The following RBFOX1 variants were observed in gnomAD, a reference collection of about 807,000 sequenced individuals.
RBFOX1 encodes RNA binding fox-1 homolog 1.
In RBFOX1, 8 loss-of-function variants were observed where a neutral mutation model predicts 57.7. The ratio of observed to expected loss-of-function variants is 0.14; its 90% CI spans 0.08 to 0.25. The LOEUF (loss-of-function observed/expected upper bound fraction) is 0.25, where lower values mean the gene tolerates loss of function less well. RBFOX1 is among the 10% of genes least tolerant of loss of function. RBFOX1 has a pLI of 1.00. For synonymous variants in RBFOX1, 326 were observed against 222.4 expected, an observed-to-expected ratio of 1.47 and a Z score of -4.15; for missense variants, 611 against 548.5, an observed-to-expected ratio of 1.11 and a Z score of -1.14.
rs138169750 is a variant in RBFOX1 at position 7,487,019 on chromosome 16, C to G, written c.28-31128C>G. Among the ~76,000 whole-genome samples, 539 of 152,264 alleles carry G rather than the reference C, an allele frequency of 3.5e-3. 3 individuals carry two copies. Among genetic ancestry groups the G allele is most frequent in the African/African-American group, 0.013 (520 of 41,558 alleles). On this transcript the variant is annotated intron_variant, in intron 4 of 15. Transcript: ENST00000550418. ...GGTTCAAGCAGTTCTCCTGTCTCAG[C>G]CTCCCGAGTAGCTGAGCTTACAGGT...
intron 4 of RBFOX1, among the ~76,000 whole-genome samples, chr16:7,447,971 C>G (rs1045896131): frequency 1.3e-5 from 2 of 152,288 alleles, no homozygotes; most frequent in East Asian, 3.9e-4. Context: ...GAATCAGGAT[C>G]TCTGGGGTTG....
chr16:5,315,689 G>T (rs1483004734), intron 1 of RBFOX1, among the ~76,000 whole-genome samples: 2 of 152,188 alleles, frequency 1.3e-5, no homozygotes, highest in Non-Finnish European at 2.9e-5. Flanking sequence ...TGCTTTGCTG[G>T]TGAGTGCTGT....
chr16:5,525,491 A>ATTTTTTTTTTTTTTTTT (rs71404528), intron 2 of RBFOX1, among the ~76,000 whole-genome samples: 1 of 78,270 alleles, frequency 1.3e-5, no homozygotes, highest in African/African-American at 5.4e-5. Flanking sequence ...AGCCGACACT[A>ATTTTTTTTTTTTTTTTT]TTTTTTTTTT....
At chr16:5,263,113 G>T (rs2062775835) in intron 1 of RBFOX1, among the ~76,000 whole-genome samples, 1 of 152,086 alleles carries the variant, frequency 6.6e-6, no homozygotes, top group South Asian at 2.1e-4. Context: ...CTTGTAGCAT[G>T]AATTCTAATT....
chr16:6,933,391 C>T (rs2076873221), intron 3 of RBFOX1, among the ~76,000 whole-genome samples: 1 of 152,206 alleles, frequency 6.6e-6, no homozygotes, highest in Non-Finnish European at 1.5e-5. Context: ...CACATCATTG[C>T]CAACACTTAT....
rs117368636 is a variant in RBFOX1 at position 7,620,932 on chromosome 16, A to T, written c.677-9671A>T. Among the ~76,000 whole-genome samples, 44 of 152,300 alleles carry T rather than the reference A, an allele frequency of 2.9e-4. No individual in the cohort carries two copies. In the East Asian group the frequency reaches 7.9e-3, roughly 27 times the overall value. On this transcript the variant is annotated intron_variant, in intron 10 of 15. Transcript: ENST00000550418. ...GAAACCTAGGGCCACCTTAATGGGC[A>T]CTGTCAATATTAGCTGTACATGAGG...
chr16:5,525,589 T>G (rs1157291190), intron 2 of RBFOX1, among the ~76,000 whole-genome samples: 1 of 145,402 alleles, frequency 6.9e-6, no homozygotes, highest in African/African-American at 2.5e-5. Context: ...TCTCCACCTC[T>G]CAGGTGAAAG....
chr16:5,661,183 TTTAA>T (rs2151389074), intron 3 of RBFOX1, among the ~76,000 whole-genome samples: 1 of 152,330 alleles, frequency 6.6e-6, no homozygotes, highest in East Asian at 1.9e-4. Context: ...CTTTCCCAAC[TTTAA>T]TTATTTTCCC....
chr16:5,889,607 T>C (rs12598885), intron 4 of RBFOX1, among the ~76,000 whole-genome samples: 43,641 of 152,124 alleles, frequency 0.29, 6,432 homozygotes, highest in South Asian at 0.43. Context: ...AGTCACACTT[T>C]TGGGCACTGA....
At chr16:7,017,598 G>A (rs761472900) in intron 3 of RBFOX1, among the ~76,000 whole-genome samples, 1 of 152,178 alleles carries the variant, frequency 6.6e-6, no homozygotes, top group Non-Finnish European at 1.5e-5. Flanking sequence ...TCATGAGGCT[G>A]GGGTCAAGGT....
At chr16:6,823,478 A>G (rs976987921) in intron 3 of RBFOX1, among the ~76,000 whole-genome samples, 12 of 152,044 alleles carry the variant, frequency 7.9e-5, no homozygotes, top group African/African-American at 2.9e-4. Context: ...GCTAGTCTCA[A>G]ACTACTGGTC....
intron 3 of RBFOX1, among the ~76,000 whole-genome samples, chr16:6,976,937 CAT>C (rs914737731): frequency 4.1e-5 from 6 of 145,204 alleles, no homozygotes; most frequent in African/African-American, 1.3e-4. Context: ...TTATATATAT[CAT>C]ATACTATATA....
intron 2 of RBFOX1, among the ~76,000 whole-genome samples, chr16:5,509,689 C>CA (rs1567176354): frequency 6.6e-6 from 1 of 152,154 alleles, no homozygotes; most frequent in Non-Finnish European, 1.5e-5. Context: ...GAGCGGGTGC[C>CA]AGGAGAGCTG....
At chr16:5,897,197 G>A (rs1027864077) in intron 4 of RBFOX1, among the ~76,000 whole-genome samples, 2 of 151,586 alleles carry the variant, frequency 1.3e-5, no homozygotes, top group East Asian at 1.9e-4. Context: ...CACCGCGCCC[G>A]GCTAATTTTT....
At chr16:6,228,080 G>A (rs1034284477) in intron 1 of RBFOX1, among the ~76,000 whole-genome samples, 3 of 152,278 alleles carry the variant, frequency 2.0e-5, no homozygotes, top group Non-Finnish European at 4.4e-5. Context: ...GGAAGCTGAG[G>A]TGGGTGGATC....
intron 1 of RBFOX1, among the ~76,000 whole-genome samples, chr16:5,257,205 T>C (rs1435288747): frequency 6.6e-6 from 1 of 152,036 alleles, no homozygotes; most frequent in Non-Finnish European, 1.5e-5. Flanking sequence ...GACCTAAATA[T>C]TCACAAGGGA....
At chr16:7,510,527 G>A (rs1204034767) in intron 4 of RBFOX1, among the ~76,000 whole-genome samples, 2 of 151,898 alleles carry the variant, frequency 1.3e-5, no homozygotes, top group Non-Finnish European at 2.9e-5. Flanking sequence ...GCGCGCACGC[G>A]CGCACGCGCG....
chr16:6,610,121 A>G lies in RBFOX1; in HGVS notation c.-63-44482A>G, dbSNP rs75142890. Among the ~76,000 whole-genome samples the G allele has an allele frequency of 3.6e-3, 544 of 152,294 alleles. 4 individuals carry two copies. The highest frequency in any genetic ancestry group is 0.012 in the African/African-American group (517 of 41,576). On this transcript the variant is annotated intron_variant, in intron 2 of 15. Transcript: ENST00000550418. Reference sequence around the variant, plus strand: ...TAAGAACGGAGGTAGATGACATTCAAAGTGTGTTTCATGGACCTCACGTTG... The same window carrying G: ...TAAGAACGGAGGTAGATGACATTCAGAGTGTGTTTCATGGACCTCACGTTG...
intron 3 of RBFOX1, among the ~76,000 whole-genome samples, chr16:6,991,940 G>T (rs1024953836): frequency 5.3e-5 from 8 of 152,172 alleles, no homozygotes; most frequent in African/African-American, 1.7e-4. Context: ...AATCAATAGG[G>T]TGGTGGGGGT....
Sources: gnomAD v4.1 joint callset for allele counts (sites outside exome capture counted in the v4.1 genomes callset) on GRCh38, gnomAD v4.1.1 for gene constraint, MANE v1.5 for transcripts, NCBI Gene and HGNC (gene_info 2026-07-23, HGNC 2026-07-21) for gene names.